Variants in CNTN1 observed in about 807,000 individuals in gnomAD.
The protein encoded by CNTN1 is contactin-1.
A neutral mutation model predicts 126.4 loss-of-function variants in CNTN1; 38 were observed. The observed-to-expected ratio is 0.30, with a 90% CI of 0.23 to 0.39. CNTN1 has a LOEUF of 0.39. CNTN1 is among the 10% of genes least tolerant of loss of function. CNTN1 has a pLI of 1.00. For missense variants in CNTN1, 1,009 were observed against 1,248.4 expected, an observed-to-expected ratio of 0.81 and a Z score of 2.89; for synonymous variants, 413 against 422.6, an observed-to-expected ratio of 0.98 and a Z score of 0.28.
At chr12:40,693,895 T>TTCATATTTCATGTTTTCAATATG (rs534943452) in intron 1 of CNTN1, among the ~76,000 whole-genome samples, 4 of 152,196 alleles carry the variant, frequency 2.6e-5, no homozygotes, top group Non-Finnish European at 4.4e-5. Flanking sequence ...AGATCAATAT[T>TTCATATTTCATGTTTTCAATATG]TCATATTTCA....
At chr12:40,870,490 A>AT (rs1466989645) in intron 1 of CNTN1, among the ~76,000 whole-genome samples, 2 of 152,028 alleles carry the variant, frequency 1.3e-5, no homozygotes, top group African/African-American at 2.4e-5. Flanking sequence ...TTCAACTTCC[A>AT]TTTTTTTGAC....
chr12:40,922,968 T>C (rs1565955315), intron 5 of CNTN1, among the ~76,000 whole-genome samples: 1 of 52,652 alleles, frequency 1.9e-5, no homozygotes, highest in Non-Finnish European at 3.4e-5. Context: ...AGACTCTGCC[T>C]TAAAAAAAAA....
At chr12:40,892,168 A>G (rs1034715194) in intron 1 of CNTN1, among the ~76,000 whole-genome samples, 4 of 152,036 alleles carry the variant, frequency 2.6e-5, no homozygotes, top group African/African-American at 9.7e-5. Context: ...GCAAAGATCT[A>G]CCACTAAGAA....
intron 16 of CNTN1, among the ~76,000 whole-genome samples, chr12:40,990,205 CAAG>C (rs1401199115): frequency 1.3e-5 from 2 of 152,088 alleles, no homozygotes; most frequent in South Asian, 2.1e-4. Flanking sequence ...TATAAATTAT[CAAG>C]AAGAAGAATA....
At chr12:41,049,029 A>C (rs1201327717) in intron 23 of CNTN1, among the ~76,000 whole-genome samples, 1 of 152,088 alleles carries the variant, frequency 6.6e-6, no homozygotes, top group Non-Finnish European at 1.5e-5. Flanking sequence ...TCCTCTCCTT[A>C]CTCAAGCTCT....
intron 16 of CNTN1, among the ~76,000 whole-genome samples, chr12:40,991,202 T>C (rs1269581404): frequency 6.6e-6 from 1 of 152,182 alleles, no homozygotes; most frequent in Non-Finnish European, 1.5e-5. Context: ...TCCCTTGGCT[T>C]GTGGCTACAT....
intron 1 of CNTN1, among the ~76,000 whole-genome samples, chr12:40,716,585 A>G (rs1298883718): frequency 3.9e-5 from 6 of 152,208 alleles, no homozygotes; most frequent in Non-Finnish European, 8.8e-5. Context: ...AGAGACTGAG[A>G]CACTAGCTGC....
chr12:40,744,709 G>T (rs1386468854), intron 1 of CNTN1, among the ~76,000 whole-genome samples: 1 of 152,088 alleles, frequency 6.6e-6, no homozygotes, highest in Non-Finnish European at 1.5e-5. Context: ...TGAACGTGTG[G>T]ATTAAAAGGT....
chr12:40,850,957 C>T (rs759068049), intron 1 of CNTN1, among the ~76,000 whole-genome samples: 1 of 152,108 alleles, frequency 6.6e-6, no homozygotes, highest in Non-Finnish European at 1.5e-5. Flanking sequence ...TTGATTGGCA[C>T]GAAACGATTT....
At chr12:40,760,045 A>T in intron 1 of CNTN1, among the ~76,000 whole-genome samples, 1 of 152,062 alleles carries the variant, frequency 6.6e-6, no homozygotes, top group African/African-American at 2.4e-5. Flanking sequence ...TTAATACCTT[A>T]GATCTGGAAT....
At chr12:40,969,633 T>C (rs1295713926) in intron 15 of CNTN1, among the ~76,000 whole-genome samples, 1 of 152,200 alleles carries the variant, frequency 6.6e-6, no homozygotes, top group East Asian at 1.9e-4. Flanking sequence ...ACTATTTTAA[T>C]TGTTATTTGC....
intron 1 of CNTN1, among the ~76,000 whole-genome samples, chr12:40,720,302 G>C (rs545813267): frequency 1.3e-5 from 2 of 151,884 alleles, no homozygotes; most frequent in South Asian, 2.1e-4. Context: ...TGGTCTCTTC[G>C]GTTCTAGTTT....
intron 1 of CNTN1, among the ~76,000 whole-genome samples, chr12:40,898,294 A>G (rs1944486350): frequency 6.6e-6 from 1 of 152,176 alleles, no homozygotes; most frequent in East Asian, 1.9e-4. Context: ...ATGTCTGGAC[A>G]TGGTAGATAC....
intron 1 of CNTN1, among the ~76,000 whole-genome samples, chr12:40,710,856 T>C (rs974116719): frequency 1.3e-5 from 2 of 152,182 alleles, no homozygotes; most frequent in Admixed American, 6.6e-5. Context: ...ACAATCTTGC[T>C]GTTCTCAACA....
chr12:40,748,731 G>C (rs1309213506), intron 1 of CNTN1, among the ~76,000 whole-genome samples: 1 of 151,852 alleles, frequency 6.6e-6, no homozygotes, highest in Non-Finnish European at 1.5e-5. Context: ...TTGCTGTTTT[G>C]TTAAATCTAT....
intron 1 of CNTN1, among the ~76,000 whole-genome samples, chr12:40,787,074 A>T (rs1283693160): frequency 2.0e-5 from 3 of 152,164 alleles, no homozygotes; most frequent in Non-Finnish European, 4.4e-5. Flanking sequence ...GGGATATATT[A>T]AAAAATCTGC....
At chr12:41,032,272 C>T (rs892705660) in intron 23 of CNTN1, among the ~76,000 whole-genome samples, 2 of 150,536 alleles carry the variant, frequency 1.3e-5, no homozygotes, top group African/African-American at 4.9e-5. Flanking sequence ...AAAGATGGCT[C>T]ACAGGGAATG....
chr12:40,770,833 T>G (rs1254348829), intron 1 of CNTN1, among the ~76,000 whole-genome samples: 1 of 152,112 alleles, frequency 6.6e-6, no homozygotes, highest in African/African-American at 2.4e-5. Flanking sequence ...TTGGATAGTC[T>G]AAAGCACATG....
intron 4 of CNTN1, among the ~76,000 whole-genome samples, chr12:40,919,322 G>A (rs552393279): frequency 3.4e-4 from 52 of 152,122 alleles, no homozygotes; most frequent in Admixed American, 1.3e-3. Context: ...CTATTTTTCT[G>A]GGTTACATAT....
Sources: gnomAD v4.1 joint callset for allele counts (sites outside exome capture counted in the v4.1 genomes callset) on GRCh38, gnomAD v4.1.1 for gene constraint, MANE v1.5 for transcripts, NCBI Gene and HGNC (gene_info 2026-07-23, HGNC 2026-07-21) for gene names.